The following LAMA1 variants were observed in gnomAD, a reference collection of about 807,000 sequenced individuals.
LAMA1 encodes the protein laminin subunit alpha-1.
Under a neutral mutation model 348.7 loss-of-function variants are expected in LAMA1, and 219 were observed. That is an observed-to-expected ratio of 0.63 (90% CI 0.56 to 0.70). The LOEUF is 0.70. LAMA1 is among the 30% of genes least tolerant of loss of function. The probability of loss-of-function intolerance (pLI) is 0.00; values close to 1 mark genes in which losing one functional copy is unlikely to be tolerated. For missense variants in LAMA1, 3,744 were observed against 3,888.0 expected (o/e 0.96, Z 0.99); for synonymous variants, 1,487 against 1,491.0 (o/e 1.00, Z 0.06).
intron 1 of LAMA1, among the ~76,000 whole-genome samples, chr18:7,096,420 T>C (rs767120286): frequency 2.0e-5 from 3 of 152,154 alleles, no homozygotes; most frequent in Non-Finnish European, 4.4e-5. Context: ...CTCACACCTA[T>C]AATCCCAGCA....
At chr18:6,983,453 C>G (rs963341984) in intron 39 of LAMA1, among the ~76,000 whole-genome samples, 2 of 152,166 alleles carry the variant, frequency 1.3e-5, no homozygotes, top group African/African-American at 4.8e-5. Context: ...CTCAGAACTG[C>G]TATTCAATCA....
intron 57 of LAMA1, among the ~76,000 whole-genome samples, chr18:6,951,904 A>C (rs1481624628): frequency 6.6e-6 from 1 of 152,200 alleles, no homozygotes; most frequent in Non-Finnish European, 1.5e-5. Flanking sequence ...GCAACGGCAA[A>C]GAGCAGGAGA....
chr18:6,973,707 C>T (rs78598500), intron 46 of LAMA1, among the ~76,000 whole-genome samples: 1,691 of 152,322 alleles, frequency 0.011, 16 homozygotes, highest in Middle Eastern at 0.027. Flanking sequence ...CCATGCCACA[C>T]CTTACACCTC....
At chr18:6,986,441 C>T in intron 36 of LAMA1, 94 bp from the exon 37 acceptor site, 1 of 1,119,038 alleles carries the variant, frequency 8.9e-7, no homozygotes, top group Non-Finnish European at 1.3e-6. Context: ...GTATTTATGC[C>T]TAGTCTCTTT....
At chr18:7,022,420 T>C (rs1236974642) in intron 19 of LAMA1, among the ~76,000 whole-genome samples, 2 of 152,246 alleles carry the variant, frequency 1.3e-5, no homozygotes, top group Non-Finnish European at 2.9e-5. Context: ...CCCAGGGCCA[T>C]AAAACATTTC....
At position 7,080,008 on chromosome 18, in the gene LAMA1, A is replaced by G; in HGVS notation, c.312T>C (p.Tyr104=). 1 of 1,614,116 alleles carries G rather than the reference A, an allele frequency of 6.2e-7. No individual in the cohort carries two copies. Among genetic ancestry groups the G allele is most frequent in the Non-Finnish European group, 8.5e-7 (1 of 1,179,976 alleles). ...AGTCCAGAGTGATTGTGACCCAGTGATATTCTCTCCCATTCTGAATGCTGG... is the reference window on the plus strand; with the variant it reads ...AGTCCAGAGTGATTGTGACCCAGTGGTATTCTCTCCCATTCTGAATGCTGG... ...QSPSIQNGRE[Y]HWVTITLDLR... Residue 104 remains tyrosine (Y), a synonymous_variant, in exon 3 of 63, where the codon TAT becomes TAC. Coordinates refer to ENST00000389658, the MANE Select transcript of LAMA1 (RefSeq NM_005559.4).
intron 1 of LAMA1, among the ~76,000 whole-genome samples, chr18:7,087,771 T>C (rs1473074152): frequency 6.6e-6 from 1 of 152,204 alleles, no homozygotes; most frequent in Non-Finnish European, 1.5e-5. Flanking sequence ...CCAGGTCTAC[T>C]GGCTGCCATC....
At position 6,977,900 on chromosome 18, in the gene LAMA1, C is replaced by T; in HGVS notation, c.6191-19G>A. On this transcript the variant is annotated intron_variant, in intron 43 of 62. Transcript: ENST00000389658. ...AACAGAGCTAACAAATACAAGAAGG[C>T]AAGGGGTGGCAAGAAAGTTGGGGAG... 1 of 1,608,036 alleles carries T rather than the reference C, an allele frequency of 6.2e-7. No homozygotes were observed. The highest frequency in any genetic ancestry group is 8.5e-7 in the Non-Finnish European group (1 of 1,179,846).
chr18:7,098,701 C>A (rs1161704924), intron 1 of LAMA1, among the ~76,000 whole-genome samples: 1 of 149,788 alleles, frequency 6.7e-6, no homozygotes, highest in Non-Finnish European at 1.5e-5. Flanking sequence ...GGCAGCCACC[C>A]CATCCGGGAG....
chr18:6,973,151 G>A lies in LAMA1; in HGVS notation c.6680C>T (p.Pro2227Leu), dbSNP rs1385569840. 1.2e-6 allele frequency: 2 copies of A among 1,614,002 alleles called. No homozygotes were observed. The highest frequency in any genetic ancestry group is 2.2e-5 in the East Asian group (1 of 44,878). ...CCCAGGGGATTTACTTGTTTTTGTT[G>A]GTGACTTTTGATTTGAGCTCATTTC... Reference protein sequence around the residue: ...VKEMSSNQKSPTKTSKSPGTA... With the variant: ...VKEMSSNQKSLTKTSKSPGTA... The change falls in exon 47 of 63, where the codon CCA (proline) becomes CTA (leucine). Residue 2227 changes from proline to leucine, a missense_variant. Physicochemically the swap from Pro to Leu is moderately conservative, Grantham distance 98 (BLOSUM62 -3). Transcript: ENST00000389658.
At chr18:7,095,779 A>G (rs2058258505) in intron 1 of LAMA1, among the ~76,000 whole-genome samples, 1 of 152,214 alleles carries the variant, frequency 6.6e-6, no homozygotes, top group Non-Finnish European at 1.5e-5. Flanking sequence ...GCTTGAAAAC[A>G]CTTCAGTAGG....
intron 41 of LAMA1, 32 bp from the exon 42 acceptor site, chr18:6,980,669 G>T: frequency 7.0e-7 from 1 of 1,433,096 alleles, no homozygotes. Context: ...TTTCCTTTCA[G>T]GTTAGCCTAC....
rs1452689978 is a variant in LAMA1, at chr18:6,961,639, C to T, written c.7573G>A (p.Ala2525Thr). ...TTCTCCACATCCCCGCCGAGGGCAG[C>T]CAGGATGATGCCACTGCTGTTCGTG... ...ATTNSSGIIL[A>T]ALGGDVEKRG... The change falls in exon 53 of 63, where the codon GCT becomes ACT. Residue 2525 changes from alanine to threonine, a missense_variant. Physicochemically the swap from Ala to Thr is moderately conservative, Grantham distance 58. This residue lies in a region of LAMA1 where 1,983 missense variants were observed against 1,934.3 expected (regional missense o/e 1.03). Coordinates refer to ENST00000389658, the MANE Select transcript of LAMA1 (RefSeq NM_005559.4). The T allele has an allele frequency of 1.9e-6, 3 of 1,614,122 alleles. No individual in the cohort carries two copies. Among genetic ancestry groups the T allele is most frequent in the Non-Finnish European group, 2.5e-6 (3 of 1,180,028 alleles).
chr18:6,995,977 G>A (rs1365425003), intron 33 of LAMA1, among the ~76,000 whole-genome samples: 1 of 151,910 alleles, frequency 6.6e-6, no homozygotes, highest in East Asian at 1.9e-4. Flanking sequence ...ACGGACAAGT[G>A]GTTTATTTAG....
chr18:7,032,553 A>G (rs568745494), intron 15 of LAMA1, among the ~76,000 whole-genome samples: 1 of 152,328 alleles, frequency 6.6e-6, no homozygotes, highest in African/African-American at 2.4e-5. Context: ...GCATTTTCAT[A>G]TATTTCACAT....
chr18:7,032,854 A>G, intron 15 of LAMA1, 130 bp downstream of exon 15: 1 of 736,998 alleles, frequency 1.4e-6, no homozygotes, highest in Non-Finnish European at 2.4e-6. Flanking sequence ...TCTATTGCCC[A>G]AAAAAGACTG....
rs141893436 is a variant in LAMA1 at position 6,980,721 on chromosome 18, C to T, written c.5891-84G>A. 995 of 757,032 alleles carry T rather than the reference C, an allele frequency of 1.3e-3. 7 individuals carry two copies. Among genetic ancestry groups the T allele is most frequent in the African/African-American group, 0.012 (714 of 58,408 alleles). The allele number at this position is 757,032 out of a possible 1,614,324, so 46.9% of individuals were successfully genotyped here. ...CAACAGCTTTATCATTCTTGACCATCGACAGAATTCATAGCTTTCTAAAGA... is the reference window on the plus strand; with the variant it reads ...CAACAGCTTTATCATTCTTGACCATTGACAGAATTCATAGCTTTCTAAAGA... On this transcript the variant is annotated intron_variant, in intron 41 of 62. Coordinates refer to ENST00000389658, the MANE Select transcript of LAMA1 (RefSeq NM_005559.4).
At chr18:6,993,201 G>A (rs536430019) in intron 35 of LAMA1, among the ~76,000 whole-genome samples, 1 of 152,166 alleles carries the variant, frequency 6.6e-6, no homozygotes, top group East Asian at 1.9e-4. Flanking sequence ...AAAGAAGAGC[G>A]ATCATATGTT....
At chr18:7,075,256 T>G (rs2143772374) in intron 3 of LAMA1, among the ~76,000 whole-genome samples, 1 of 152,198 alleles carries the variant, frequency 6.6e-6, no homozygotes, top group Admixed American at 6.5e-5. Context: ...AGCCAAAAGG[T>G]TTGTTCCTTG....
Sources: gnomAD v4.1 joint callset for allele counts (sites outside exome capture counted in the v4.1 genomes callset) on GRCh38, gnomAD v4.1.1 for gene constraint, gnomAD v4.1.1 regional missense constraint, MANE v1.5 for transcripts, NCBI Gene and HGNC (gene_info 2026-07-23, HGNC 2026-07-21) for gene names.